CDC20: variants seen among roughly 807,000 people sequenced by gnomAD.
The protein encoded by CDC20 is cell division cycle protein 20 homolog.
CDC20 carries 34 observed loss-of-function variants against 60.0 expected under a neutral mutation model. The observed-to-expected ratio is 0.57, with a 90% CI of 0.43 to 0.75. The LOEUF (loss-of-function observed/expected upper bound fraction) is 0.75. Ranked by LOEUF, CDC20 falls within the 30% of genes least tolerant of loss-of-function variation. The pLI is 0.00. For missense variants in CDC20, 469 were observed against 647.3 expected (o/e 0.72, Z 2.99); for synonymous variants, 198 against 243.5 (o/e 0.81, Z 1.74).
rs1326382972 is a variant in CDC20, at chr1:43,359,653, G to C, written c.330+15G>C. 1 of 1,613,986 alleles carries C rather than the reference G, an allele frequency of 6.2e-7. No individual in the cohort carries two copies. The highest frequency in any genetic ancestry group is 1.7e-5 in the Admixed American group (1 of 60,014). On this transcript the variant is annotated intron_variant, in intron 3 of 10. Coordinates refer to ENST00000310955, the MANE Select transcript of CDC20 (RefSeq NM_001255.3). ...CCACCAAGAAGGTATGTGTCCCAGA[G>C]GGGCTTAAGGCACGGGACCTGACTG...
Position 43,360,218 on chromosome 1 carries a change from TG to T in CDC20, c.585del (p.Asn196MetfsTer69). ...YYLNLVDWSS[G>X]NVLAVALDNS... ...ACCTGAACCTTGTGGATTGGAGTTC[TG>T]GGAATGTACTGGCCGTGGCACTGGA... On this transcript the variant is annotated frameshift_variant, in exon 6 of 11. Coordinates refer to ENST00000310955, the MANE Select transcript of CDC20 (RefSeq NM_001255.3). LOFTEE classifies it high-confidence loss of function. 1 of 1,614,212 alleles carries T rather than the reference TG, an allele frequency of 6.2e-7. No homozygotes were observed. Among genetic ancestry groups the T allele is most frequent in the East Asian group, 2.2e-5 (1 of 44,886 alleles).
chr1:43,362,310 AAG>A lies in CDC20; in HGVS notation c.1320_1321del (p.Gly441SerfsTer24). On this transcript the variant is annotated frameshift_variant and splice_region_variant, in exon 10 of 11. Transcript: ENST00000310955. LOFTEE classifies it high-confidence loss of function. ...ACCATGGCCAAGGTGGCTGAACTCAAAGGTAAGTGGCTAGGTGAAAAGCCGGA... is the reference window on the plus strand; with the variant it reads ...ACCATGGCCAAGGTGGCTGAACTCAAGTAAGTGGCTAGGTGAAAAGCCGGA... The A allele has an allele frequency of 7.5e-7, 1 of 1,336,474 alleles. No homozygotes were observed. The highest frequency in any genetic ancestry group is 2.3e-5 in the East Asian group (1 of 43,620). The allele number at this position is 1,336,474 out of a possible 1,614,324, so 82.8% of individuals were successfully genotyped here. A position where few individuals can be genotyped will look rare whatever the true frequency, so the allele number is the denominator to read the frequency against.
chr1:43,359,072 G>A, intron 1 of CDC20, 66 bp downstream of exon 1: 3 of 800,276 alleles, frequency 3.7e-6, no homozygotes, highest in Non-Finnish European at 6.1e-6. Context: ...TAGGCCGGAA[G>A]GGGCTGCAGC....
chr1:43,359,112 A>C (rs1647156503), intron 1 of CDC20, 55 bp from the exon 2 acceptor site: 3 of 1,230,446 alleles, frequency 2.4e-6, no homozygotes, highest in African/African-American at 3.0e-5. Context: ...GTGGCCGGCC[A>C]GGAGCGAAGG....
rs1647171324 is a variant in CDC20 at position 43,361,210 on chromosome 1, G to A, written c.1168G>A (p.Gly390Arg). 4 of 1,612,514 alleles carry A rather than the reference G, an allele frequency of 2.5e-6. No individual in the cohort carries two copies. Among genetic ancestry groups the A allele is most frequent in the South Asian group, 1.1e-5 (1 of 90,852 alleles). Residue 390 changes from glycine to arginine, a missense_variant, in exon 9 of 11, where the codon GGG (glycine) becomes AGG (arginine). Gly to Arg is a moderately radical substitution (Grantham distance 125). This residue lies in a region of CDC20 where 255 missense variants were observed against 326.7 expected (regional missense o/e 0.78). Transcript: ENST00000310955. ...CATTCGCATCTGGAATGTGTGCTCT[G>A]GGGCCTGTCTGAGTGCCGTGGATGC... ...RHIRIWNVCSGACLSAVDAHS... is the reference protein window; with the variant it reads ...RHIRIWNVCSRACLSAVDAHS...
At chr1:43,359,843 T>C in intron 4 of CDC20, 22 bp downstream of exon 4, 1 of 1,612,428 alleles carries the variant, frequency 6.2e-7, no homozygotes, top group Non-Finnish European at 8.5e-7. Flanking sequence ...AGTTCCTGGT[T>C]CCTGGAGGGA....
Position 43,359,953 on chromosome 1 carries a change from C to CA in CDC20, c.428-15dup. ...TGTTGATTTTCCCAGCGTCTAGACT[C>CA]ACTCCGTTGCCACAGGTTATCAGAA... On this transcript the variant is annotated splice_polypyrimidine_tract_variant and intron_variant, in intron 4 of 10. Transcript: ENST00000310955. 1 of 1,614,062 alleles carries CA rather than the reference C, an allele frequency of 6.2e-7. No homozygotes were observed. Among genetic ancestry groups the CA allele is most frequent in the South Asian group, 1.1e-5 (1 of 91,042 alleles).
In CDC20 at chr1:43,361,117, T is replaced by C. The variant is rs772205711; in HGVS notation, c.1078-3T>C. 6.8e-6 allele frequency: 11 copies of C among 1,613,968 alleles called. No homozygotes were observed. Among genetic ancestry groups the C allele is most frequent in the Non-Finnish European group, 9.3e-6 (11 of 1,180,010 alleles). ...CTGCTGACCCCACCTTTATTCCATC[T>C]AGGCCGTAGCATGGTGTCCCTGGCA... On this transcript the variant is annotated splice_region_variant and splice_polypyrimidine_tract_variant and intron_variant, in intron 8 of 10. Transcript: ENST00000310955.
intron 9 of CDC20, 85 bp downstream of exon 9, chr1:43,361,330 C>T: frequency 1.4e-5 from 19 of 1,320,656 alleles, no homozygotes; most frequent in Non-Finnish European, 1.9e-5. Context: ...CAACTCTATG[C>T]CCTGGTGATT....
rs151010435 is a variant in CDC20 at position 43,360,589 on chromosome 1, T to G, written c.844T>G (p.Ser282Ala). 2.5e-5 allele frequency: 41 copies of G among 1,613,396 alleles called. No individual in the cohort carries two copies. The highest frequency in any genetic ancestry group is 3.4e-5 in the Non-Finnish European group (40 of 1,179,376). ...CCTAAGCTGGAACAGCTATATCCTG[T>G]CCAGGTCAGTGGTTTTTGTTGGTCT... Reference protein sequence around the residue: ...GSLSWNSYILSSGSRSGHIHH... With the variant: ...GSLSWNSYILASGSRSGHIHH... The change falls in exon 7 of 11, where the codon TCC becomes GCC. Residue 282 changes from serine to alanine, a missense_variant. By Grantham distance (99) the Ser-to-Ala change is moderately conservative. Transcript: ENST00000310955.
rs780101568 is a variant in CDC20, at chr1:43,360,247, A to G, written c.611A>G (p.Asn204Ser). ...SGNVLAVALD[N>S]SVYLWSASSG... The stretch of plus-strand genomic sequence containing the variant: ...AATGTACTGGCCGTGGCACTGGACA[A>G]CAGTGTGTACCTGTGGAGTGCAAGC... Residue 204 changes from asparagine (N) to serine (S), a missense_variant, in exon 6 of 11, where the codon AAC (asparagine) becomes AGC (serine). This residue lies in a region of CDC20 where 255 missense variants were observed against 326.7 expected (regional missense o/e 0.78). Coordinates refer to ENST00000310955, the MANE Select transcript of CDC20 (RefSeq NM_001255.3). The G allele has an allele frequency of 6.2e-6, 10 of 1,614,100 alleles. No individual in the cohort carries two copies. The East Asian group carries it at 1.1e-4, about 18-fold the overall frequency.
Position 43,359,174 on chromosome 1 carries a change from T to A in CDC20, c.-42T>A. 1 of 1,605,152 alleles carries A rather than the reference T, an allele frequency of 6.2e-7. No homozygotes were observed. The highest frequency in any genetic ancestry group is 8.5e-7 in the Non-Finnish European group (1 of 1,174,404). ...TCGCCTCCTTTCCTCCAGGGCTCCG[T>A]AGGCACCAACTGCAAGGACCCCTCC... is the stretch of plus-strand genomic sequence containing the variant. On this transcript the variant is annotated 5_prime_UTR_variant, in exon 2 of 11. Coordinates refer to ENST00000310955, the MANE Select transcript of CDC20 (RefSeq NM_001255.3).
chr1:43,361,720 T>C (rs1205348358), intron 9 of CDC20, among the ~76,000 whole-genome samples: 3 of 152,254 alleles, frequency 2.0e-5, no homozygotes, highest in Non-Finnish European at 2.9e-5. Context: ...CTGTGGTCTG[T>C]TATACTGTAC....
chr1:43,363,167 A>T lies in CDC20; in HGVS notation c.*38A>T. On this transcript the variant is annotated 3_prime_UTR_variant, in exon 11 of 11. Coordinates refer to ENST00000310955, the MANE Select transcript of CDC20 (RefSeq NM_001255.3). The stretch of plus-strand genomic sequence containing the variant: ...CACCTCAGTTGTTTTTTATTTTTCT[A>T]ATAAAGTCATGTCTCCCTTCATGTT... The T allele has an allele frequency of 6.3e-7, 1 of 1,575,646 alleles. No homozygotes were observed.
Position 43,360,726 on chromosome 1 carries a change from C to T in CDC20, c.849-7C>T, listed in dbSNP as rs1436579028. The T allele has an allele frequency of 1.9e-6, 3 of 1,610,288 alleles. No homozygotes were observed. The highest frequency in any genetic ancestry group is 3.3e-5 in the Admixed American group (2 of 59,926). On this transcript the variant is annotated splice_region_variant and splice_polypyrimidine_tract_variant and intron_variant, in intron 7 of 10. Coordinates refer to ENST00000310955, the MANE Select transcript of CDC20 (RefSeq NM_001255.3). ...ACAGAACCTGATTCCCTTCTTTCCTCCTCCAGTGGTTCACGTTCTGGCCAC... is the reference window on the plus strand; with the variant it reads ...ACAGAACCTGATTCCCTTCTTTCCTTCTCCAGTGGTTCACGTTCTGGCCAC...
chr1:43,359,681 C>T (rs1292276902), intron 3 of CDC20, 43 bp downstream of exon 3: 2 of 1,613,852 alleles, frequency 1.2e-6, no homozygotes, highest in Non-Finnish European at 1.7e-6. Flanking sequence ...CCTGACTGTT[C>T]TTTGGATAAT....
chr1:43,359,010 A>AGAGGTGGTGGGGCTGAGCC lies in CDC20; in HGVS notation c.-50+12_-50+30dup, dbSNP rs1193865317. The AGAGGTGGTGGGGCTGAGCC allele has an allele frequency of 3.0e-5, 18 of 609,122 alleles. No individual in the cohort carries two copies. Among genetic ancestry groups the AGAGGTGGTGGGGCTGAGCC allele is most frequent in the Non-Finnish European group, 4.4e-5 (15 of 343,684 alleles). The allele number at this position is 609,122 out of a possible 1,614,324, so 37.7% of individuals were successfully genotyped here. A position where few individuals can be genotyped will look rare whatever the true frequency, so the allele number is the denominator to read the frequency against. ...CGGAACTGCTCCGGAGGGCACGGTGAGAGGTGGTGGGGCTGAGCCGAGGTG... is the reference window on the plus strand; with the variant it reads ...CGGAACTGCTCCGGAGGGCACGGTGAGAGGTGGTGGGGCTGAGCCGAGGTGGTGGGGCTGAGCCGAGGTG... On this transcript the variant is annotated splice_donor_region_variant and intron_variant, in intron 1 of 10. Coordinates refer to ENST00000310955, the MANE Select transcript of CDC20 (RefSeq NM_001255.3).
chr1:43,360,369 A>G lies in CDC20; in HGVS notation c.733A>G (p.Thr245Ala), dbSNP rs558607093. Residue 245 changes from threonine (T) to alanine (A), a missense_variant, in exon 6 of 11, where the codon ACC becomes GCC. Around this residue, in one of 5 missense-constraint regions of CDC20, gnomAD observed 255 missense variants for 326.7 expected, o/e 0.78. Transcript: ENST00000310955. The part of the protein sequence containing the change: ...IKEGNYLAVG[T>A]SSAEVQLWDV... The stretch of plus-strand genomic sequence containing the variant: ...AGAGGGCAACTACTTGGCTGTGGGC[A>G]CCAGCAGTGCTGAGGTGCAGGTGAG... 70 of 1,614,174 alleles carry G rather than the reference A, an allele frequency of 4.3e-5. No homozygotes were observed. In the South Asian group the frequency reaches 7.5e-4, roughly 17 times the overall value.
intron 9 of CDC20, among the ~76,000 whole-genome samples, chr1:43,361,615 C>T (rs548101628): frequency 6.6e-6 from 1 of 152,324 alleles, no homozygotes; most frequent in African/African-American, 2.4e-5. Flanking sequence ...CTGTCCCCTC[C>T]CCTCAGCCTC....
Sources: gnomAD v4.1 joint callset for allele counts (sites outside exome capture counted in the v4.1 genomes callset) on GRCh38, gnomAD v4.1.1 for gene constraint, gnomAD v4.1.1 regional missense constraint, MANE v1.5 for transcripts, NCBI Gene and HGNC (gene_info 2026-07-23, HGNC 2026-07-21) for gene names.